The following QSOX1 variants were observed in gnomAD, a reference collection of about 807,000 sequenced individuals.
QSOX1 encodes quiescin sulfhydryl oxidase 1, also known as sulfhydryl oxidase 1.
In QSOX1, 40 loss-of-function variants were observed where a neutral mutation model predicts 76.1. The ratio of observed to expected loss-of-function variants is 0.53; its 90% CI spans 0.41 to 0.68. The LOEUF (loss-of-function observed/expected upper bound fraction) is 0.68. Ranked by LOEUF, QSOX1 falls within the 30% of genes least tolerant of loss-of-function variation. QSOX1 has a pLI of 0.00. For missense variants in QSOX1, 931 were observed against 974.3 expected, an observed-to-expected ratio of 0.96 and a Z score of 0.59; for synonymous variants, 392 against 413.1, an observed-to-expected ratio of 0.95 and a Z score of 0.62.
At chr1:180,174,931 T>C (rs1662847672) in intron 2 of QSOX1, among the ~76,000 whole-genome samples, 1 of 151,388 alleles carries the variant, frequency 6.6e-6, no homozygotes, top group Admixed American at 6.6e-5. Context: ...GGCGGGCAGA[T>C]CACAGGTCAG....
intron 10 of QSOX1, among the ~76,000 whole-genome samples, chr1:180,191,750 T>C (rs1375645274): frequency 6.6e-6 from 1 of 152,062 alleles, no homozygotes; most frequent in Non-Finnish European, 1.5e-5. Context: ...CTGGGACCCA[T>C]GTGGAGAGGA....
chr1:180,169,819 C>A (rs1662721477), intron 2 of QSOX1, among the ~76,000 whole-genome samples: 1 of 152,230 alleles, frequency 6.6e-6, no homozygotes, highest in Admixed American at 6.5e-5. Flanking sequence ...GAGCCCATGG[C>A]CAGTGAGAGG....
chr1:180,197,205 G>C lies in QSOX1; in HGVS notation c.*168G>C. The C allele has an allele frequency of 4.5e-6, 7 of 1,557,726 alleles. No homozygotes were observed. Among genetic ancestry groups the C allele is most frequent in the Non-Finnish European group, 6.1e-6 (7 of 1,156,454 alleles). On this transcript the variant is annotated 3_prime_UTR_variant, in exon 12 of 12. Coordinates refer to ENST00000367602, the MANE Select transcript of QSOX1 (RefSeq NM_002826.5). ...AGCTTCTTGGGGTTGCTAGGACAGA[G>C]AGCTCCTTTGACACAAAAGACAGGA...
chr1:180,195,094 C>T (rs1355377493), intron 11 of QSOX1, among the ~76,000 whole-genome samples: 1 of 152,082 alleles, frequency 6.6e-6, no homozygotes, highest in African/African-American at 2.4e-5. Context: ...CTGGGGCCTC[C>T]TATCGAACTT....
intron 2 of QSOX1, among the ~76,000 whole-genome samples, chr1:180,175,009 T>G (rs994845402): frequency 6.6e-6 from 1 of 151,510 alleles, no homozygotes; most frequent in Non-Finnish European, 1.5e-5. Flanking sequence ...CAAAAAAAAT[T>G]AGTCGAGTGT....
rs554041360 is a variant in QSOX1 at position 180,197,860 on chromosome 1, T to G, written c.*823T>G. On this transcript the variant is annotated 3_prime_UTR_variant, in exon 12 of 12. Transcript: ENST00000367602. ...TTGGTCTCCAAGATGAATGCTCATC[T>G]TTGGAGGGTGCCAGGTAGAAGCTAG... is the stretch of plus-strand genomic sequence containing the variant. 3 of 291,070 alleles carry G rather than the reference T, an allele frequency of 1.0e-5. No individual in the cohort carries two copies. Among genetic ancestry groups the G allele is most frequent in the Non-Finnish European group, 2.0e-5 (3 of 147,150 alleles). 18.0% of individuals were successfully genotyped at this position (291,070 alleles called of 1,614,324 possible).
chr1:180,172,081 C>T (rs935398363), intron 2 of QSOX1, among the ~76,000 whole-genome samples: 3 of 152,120 alleles, frequency 2.0e-5, no homozygotes, highest in African/African-American at 7.2e-5. Context: ...GTTCCAGGAA[C>T]ATTGGCAGCA....
Position 180,196,716 on chromosome 1 carries a change from C to G in QSOX1, c.1923C>G (p.His641Gln). 1.2e-5 allele frequency: 20 copies of G among 1,614,086 alleles called. No homozygotes were observed. Among genetic ancestry groups the G allele is most frequent in the Non-Finnish European group, 1.7e-5 (20 of 1,180,022 alleles). ...NEQEQPLGQW[H>Q]LSKRDTGAAL... ...AGGAGCAGCCGCTTGGGCAGTGGCA[C>G]TTGAGCAAGCGAGACACAGGGGCTG... The change falls in exon 12 of 12, where the codon CAC (histidine) becomes CAG (glutamine). Residue 641 changes from histidine (H) to glutamine (Q), a missense_variant. Coordinates refer to ENST00000367602, the MANE Select transcript of QSOX1 (RefSeq NM_002826.5). The surrounding 1 kb of genome is among the most constrained non-coding windows in gnomAD (Gnocchi z 4.1).
intron 6 of QSOX1, 44 bp from the exon 7 acceptor site, chr1:180,183,872 C>A: frequency 6.3e-7 from 1 of 1,582,538 alleles, no homozygotes; most frequent in Non-Finnish European, 8.6e-7. Flanking sequence ...TAATCTTGTT[C>A]TCTGCACTTA....
At chr1:180,176,402 C>G (rs147206589) in intron 4 of QSOX1, among the ~76,000 whole-genome samples, 19 of 152,330 alleles carry the variant, frequency 1.2e-4, no homozygotes, top group South Asian at 2.1e-4. Context: ...TTCACATGCT[C>G]TATCCCCGGG....
Position 180,166,506 on chromosome 1 carries a change from T to C in QSOX1, c.281T>C (p.Leu94Pro). 6.2e-7 allele frequency: 1 copy of C among 1,614,026 alleles called. No individual in the cohort carries two copies. Among genetic ancestry groups the C allele is most frequent in the Non-Finnish European group, 8.5e-7 (1 of 1,179,980 alleles). The change falls in exon 2 of 12, where the codon CTG becomes CCG. Residue 94 changes from leucine to proline, a missense_variant. Transcript: ENST00000367602. ...AEDVKAWRPALYLAALDCAEE... is the reference protein window; with the variant it reads ...AEDVKAWRPAPYLAALDCAEE... Reference sequence around the variant, plus strand: ...GTCCTTTCAGCCTGGAGGCCGGCCCTGTATCTCGCCGCCCTGGACTGTGCT... The same window carrying C: ...GTCCTTTCAGCCTGGAGGCCGGCCCCGTATCTCGCCGCCCTGGACTGTGCT...
chr1:180,179,472 G>T (rs150804373), intron 5 of QSOX1, among the ~76,000 whole-genome samples: 2 of 152,238 alleles, frequency 1.3e-5, no homozygotes, highest in Non-Finnish European at 2.9e-5. Flanking sequence ...ACGTTTCTCC[G>T]TAGTATTGTT....
At chr1:180,161,562 A>T (rs1450063049) in intron 1 of QSOX1, among the ~76,000 whole-genome samples, 1 of 152,254 alleles carries the variant, frequency 6.6e-6, no homozygotes, top group African/African-American at 2.4e-5. Flanking sequence ...GAATATTCAC[A>T]AATAGTTTCT....
intron 10 of QSOX1, among the ~76,000 whole-genome samples, chr1:180,191,140 T>C (rs981602830): frequency 6.6e-6 from 1 of 152,200 alleles, no homozygotes; most frequent in African/African-American, 2.4e-5. Context: ...ACTGAAAGGA[T>C]GCGCATCCAA....
intron 1 of QSOX1, among the ~76,000 whole-genome samples, chr1:180,161,334 GA>G (rs1456413025): frequency 6.6e-6 from 1 of 152,164 alleles, no homozygotes; most frequent in African/African-American, 2.4e-5. Flanking sequence ...AGGAATCTCA[GA>G]TTGGACTTTT....
intron 11 of QSOX1, among the ~76,000 whole-genome samples, chr1:180,195,272 C>G (rs370651968): frequency 1.3e-5 from 2 of 152,132 alleles, no homozygotes; most frequent in African/African-American, 2.4e-5. Context: ...GTTCCCTCCC[C>G]TCTCTGGTGG....
chr1:180,199,213 G>A lies in QSOX1; in HGVS notation c.*2176G>A, dbSNP rs1226773033. On this transcript the variant is annotated 3_prime_UTR_variant, in exon 12 of 12. Coordinates refer to ENST00000367602, the MANE Select transcript of QSOX1 (RefSeq NM_002826.5). ...CTGCCTTTCACCTTGATTTCCCCAG[G>A]GCTCTCGGCAACATCGATAAACCAG... The A allele has an allele frequency of 6.6e-6, 1 of 152,214 alleles. No homozygotes were observed. Among genetic ancestry groups the A allele is most frequent in the East Asian group, 1.9e-4 (1 of 5,180 alleles). 9.4% of individuals were successfully genotyped at this position (152,214 alleles called of 1,614,324 possible).
chr1:180,155,131 C>A lies in QSOX1; in HGVS notation c.224C>A (p.Ala75Asp), dbSNP rs1177546470. Residue 75 changes from alanine to aspartate, a missense_variant, in exon 1 of 12, where the codon GCC becomes GAC. Physicochemically the swap from Ala to Asp is moderately radical, Grantham distance 126. Coordinates refer to ENST00000367602, the MANE Select transcript of QSOX1 (RefSeq NM_002826.5). ...GCCTCCTGGTGCGGCCACTGCATCG[C>A]CTTCGCCCCGACGTGGAAGGCGCTG... ...FFASWCGHCIAFAPTWKALAE... is the reference protein window; with the variant it reads ...FFASWCGHCIDFAPTWKALAE... 2.0e-6 allele frequency: 3 copies of A among 1,521,716 alleles called. No homozygotes were observed. In the South Asian group the frequency reaches 3.6e-5, roughly 18 times the overall value. 94.3% of individuals were successfully genotyped at this position (1,521,716 alleles called of 1,614,324 possible).
At chr1:180,178,967 A>T in intron 5 of QSOX1, 83 bp downstream of exon 5, 4 of 1,274,164 alleles carry the variant, frequency 3.1e-6, no homozygotes, top group South Asian at 1.2e-5. Context: ...TTTCCTGCCA[A>T]TTCTAGGGTC....
Sources: gnomAD v4.1 joint callset for allele counts (sites outside exome capture counted in the v4.1 genomes callset) on GRCh38, gnomAD v4.1.1 for gene constraint, Gnocchi (gnomAD v3.1) non-coding constraint, MANE v1.5 for transcripts, NCBI Gene and HGNC (gene_info 2026-07-23, HGNC 2026-07-21) for gene names.